The following PKD1L1 variants were observed in gnomAD, a reference collection of about 807,000 sequenced individuals.
PKD1L1 encodes the protein polycystin-1-like protein 1.
Under a neutral mutation model 323.4 loss-of-function variants are expected in PKD1L1, and 236 were observed. That is an observed-to-expected ratio of 0.73 (90% CI 0.66 to 0.81). The LOEUF is 0.81. PKD1L1 is among the 40% of genes least tolerant of loss of function. The pLI, the probability that PKD1L1 is intolerant of heterozygous loss-of-function variation, is 0.00. For missense variants in PKD1L1, 3,320 were observed against 3,508.0 expected (o/e 0.95, Z 1.35); for synonymous variants, 1,344 against 1,335.0 (o/e 1.01, Z -0.15).
chr7:47,903,667 T>C lies in PKD1L1; in HGVS notation c.1931+711A>G, dbSNP rs1338594015. On this transcript the variant is annotated intron_variant, in intron 12 of 56. Transcript: ENST00000289672. Reference sequence around the variant, plus strand: ...ATGCCACTGCCTACACGAACCTCATTTTCTAGATACTTCTGCACCCTTTGA... The same window carrying C: ...ATGCCACTGCCTACACGAACCTCATCTTCTAGATACTTCTGCACCCTTTGA... 7.2e-5 allele frequency among the ~76,000 whole-genome samples: 11 copies of C among 152,178 alleles called. 1 individual carries two copies. Among genetic ancestry groups the C allele is most frequent in the Non-Finnish European group, 1.5e-5 (1 of 68,034 alleles).
In PKD1L1 at chr7:47,835,199, A is replaced by G; in HGVS notation, c.5988T>C (p.Gly1996=). The part of the protein sequence containing the change: ...VSPTLGSFRV[G]LLCTLLASPG... Reference sequence around the variant, plus strand: ...GAGAAGCCAGGAGGGTACACAGGAGACCCACCCTGAAGGATCCAAGGGTGG... The same window carrying G: ...GAGAAGCCAGGAGGGTACACAGGAGGCCCACCCTGAAGGATCCAAGGGTGG... Residue 1996 remains glycine (G), a synonymous_variant, in exon 38 of 57, where the codon GGT becomes GGC. Coordinates refer to ENST00000289672, the MANE Select transcript of PKD1L1 (RefSeq NM_138295.5). 6.3e-7 allele frequency: 1 copy of G among 1,589,662 alleles called. No homozygotes were observed. Among genetic ancestry groups the G allele is most frequent in the Admixed American group, 2.0e-5 (1 of 51,244 alleles).
intron 7 of PKD1L1, among the ~76,000 whole-genome samples, chr7:47,928,553 G>C (rs549561086): frequency 1.1e-4 from 16 of 152,044 alleles, no homozygotes; most frequent in African/African-American, 2.9e-4. Flanking sequence ...CTGGGCAACA[G>C]AACAAGATTC....
intron 56 of PKD1L1, among the ~76,000 whole-genome samples, chr7:47,786,627 G>A (rs1315368478): frequency 6.6e-6 from 1 of 152,212 alleles, no homozygotes; most frequent in African/African-American, 2.4e-5. Flanking sequence ...CCTGCCTTAC[G>A]CAATGGTATT....
At chr7:47,901,594 C>T (rs531584867) in intron 13 of PKD1L1, among the ~76,000 whole-genome samples, 180 of 152,246 alleles carry the variant, frequency 1.2e-3, no homozygotes, top group Non-Finnish European at 2.0e-3. Context: ...TCCCCCAGCA[C>T]GCAGACCTGC....
chr7:47,940,470 C>T (rs767653281), intron 2 of PKD1L1, among the ~76,000 whole-genome samples, 153 bp from the exon 3 acceptor site: 10 of 152,218 alleles, frequency 6.6e-5, no homozygotes, highest in South Asian at 2.1e-4. Flanking sequence ...CTTGGGCTGC[C>T]GTGTCCTGCT....
chr7:47,835,094 G>C, intron 38 of PKD1L1, 39 bp downstream of exon 38: 1 of 1,606,718 alleles, frequency 6.2e-7, no homozygotes, highest in Non-Finnish European at 8.5e-7. Flanking sequence ...TGAAGGGGCT[G>C]CTCAGGAGAA....
chr7:47,882,045 A>C lies in PKD1L1; in HGVS notation c.3306T>G (p.Ser1102Arg). ...TSFPGSGPSL[S>R]AEESPGDGDN... The stretch of plus-strand genomic sequence containing the variant: ...CCCCATCTCCAGGGCTCTCCTCGGC[A>C]CTCAAGCTAGGTCCTGATCCTGGAA... Residue 1102 changes from serine (S) to arginine (R), a missense_variant, in exon 20 of 57, where the codon AGT (serine) becomes AGG (arginine). Transcript: ENST00000289672. 1 of 1,613,808 alleles carries C rather than the reference A, an allele frequency of 6.2e-7. No homozygotes were observed. Among genetic ancestry groups the C allele is most frequent in the East Asian group, 2.2e-5 (1 of 44,866 alleles).
At position 47,940,119 on chromosome 7, in the gene PKD1L1, A is replaced by T. The variant is rs62447089; in HGVS notation, c.285+74T>A. On this transcript the variant is annotated intron_variant, in intron 3 of 56. Coordinates refer to ENST00000289672, the MANE Select transcript of PKD1L1 (RefSeq NM_138295.5). ...CTGATGAATTCCTGATGAAACATGG[A>T]GGTGCTTTTTAGCTGTACTGTACAT... The T allele has an allele frequency of 9.7e-6, 15 of 1,545,326 alleles. 1 individual carries two copies. Among genetic ancestry groups the T allele is most frequent in the African/African-American group, 2.7e-5 (2 of 72,962 alleles).
rs567091499 is a variant in PKD1L1 at position 47,846,971 on chromosome 7, C to G, written c.5061G>C (p.Gln1687His). Residue 1687 changes from glutamine to histidine, a missense_variant, in exon 32 of 57, where the codon CAG becomes CAC. Transcript: ENST00000289672. ...AKAVNYTVHF[Q>H]WIRCLFWDKR... ...TGTCCCAAAACAGGCATCGGATCCA[C>G]TGGAAATGTACTGTATAGTTCACTG... 1 of 1,614,008 alleles carries G rather than the reference C, an allele frequency of 6.2e-7. No homozygotes were observed. The highest frequency in any genetic ancestry group is 2.2e-5 in the East Asian group (1 of 44,882).
chr7:47,806,397 A>G (rs536179466), intron 52 of PKD1L1, among the ~76,000 whole-genome samples: 1 of 152,332 alleles, frequency 6.6e-6, no homozygotes, highest in Non-Finnish European at 1.5e-5. Context: ...TCGGCATTGT[A>G]GCCCACAGGA....
At chr7:47,856,170 T>A (rs534300327) in intron 28 of PKD1L1, among the ~76,000 whole-genome samples, 15 of 152,094 alleles carry the variant, frequency 9.9e-5, no homozygotes, top group African/African-American at 3.1e-4. Context: ...CCCGAGTAGC[T>A]GGGACTACAG....
chr7:47,932,272 G>A lies in PKD1L1; in HGVS notation c.399-216C>T, dbSNP rs1787786863. Among the ~76,000 whole-genome samples the A allele has an allele frequency of 3.9e-5, 6 of 152,212 alleles. No individual in the cohort carries two copies. The South Asian group carries it at 1.2e-3, about 32-fold the overall frequency. On this transcript the variant is annotated intron_variant, in intron 4 of 56. Coordinates refer to ENST00000289672, the MANE Select transcript of PKD1L1 (RefSeq NM_138295.5). ...CAGCGGGGCTGCTGCAGGCACTCGA[G>A]GGAGAAGTCTTAGGTAGAGTAGAGC... is the stretch of plus-strand genomic sequence containing the variant.
chr7:47,895,987 T>C (rs1786926748), intron 14 of PKD1L1, among the ~76,000 whole-genome samples: 1 of 152,200 alleles, frequency 6.6e-6, no homozygotes, highest in African/African-American at 2.4e-5. Flanking sequence ...GACTGTGTGA[T>C]TTCACTCTTG....
intron 1 of PKD1L1, among the ~76,000 whole-genome samples, chr7:47,944,630 G>C (rs1788060500): frequency 6.6e-6 from 1 of 152,224 alleles, no homozygotes; most frequent in Non-Finnish European, 1.5e-5. Flanking sequence ...TGCCTCCAGA[G>C]CTCAAGCTGC....
chr7:47,800,819 A>G lies in PKD1L1; in HGVS notation c.8023T>C (p.Trp2675Arg), dbSNP rs769841757. The change falls in exon 54 of 57, where the codon TGG (tryptophan) becomes CGG (arginine). Residue 2675 changes from tryptophan to arginine, a missense_variant. Coordinates refer to ENST00000289672, the MANE Select transcript of PKD1L1 (RefSeq NM_138295.5). ...GTGAAGGTGCCAGGTGGTAGAACCC[A>G]CATAGAGAGCAGAAATCGGTGCAGG... ...SHLHRFLLSMWVLPPGTFTDA... is the reference protein window; with the variant it reads ...SHLHRFLLSMRVLPPGTFTDA... 1 of 1,614,146 alleles carries G rather than the reference A, an allele frequency of 6.2e-7. No homozygotes were observed. Among genetic ancestry groups the G allele is most frequent in the South Asian group, 1.1e-5 (1 of 91,078 alleles).
chr7:47,890,675 T>C lies in PKD1L1; in HGVS notation c.2542A>G (p.Thr848Ala). Residue 848 changes from threonine (T) to alanine (A), a missense_variant, in exon 16 of 57, where the codon ACT becomes GCT. Transcript: ENST00000289672. ...TAHQLDAAAPTVSFEAQWLSD... is the reference protein window; with the variant it reads ...TAHQLDAAAPAVSFEAQWLSD... ...AGCCATTGTGCCTCAAAGGAAACAG[T>C]GGGAGCCGCGGCATCCAGTTGGTGT... is the stretch of plus-strand genomic sequence containing the variant. 1 of 1,613,926 alleles carries C rather than the reference T, an allele frequency of 6.2e-7. No individual in the cohort carries two copies. The highest frequency in any genetic ancestry group is 8.5e-7 in the Non-Finnish European group (1 of 1,179,980).
intron 15 of PKD1L1, among the ~76,000 whole-genome samples, chr7:47,892,966 C>T (rs1244931705): frequency 6.6e-6 from 1 of 152,136 alleles, no homozygotes; most frequent in Non-Finnish European, 1.5e-5. Context: ...CCTGATGGCT[C>T]ACGCCTGAAA....
At chr7:47,939,412 A>G (rs1787937158) in intron 3 of PKD1L1, among the ~76,000 whole-genome samples, 1 of 152,180 alleles carries the variant, frequency 6.6e-6, no homozygotes, top group African/African-American at 2.4e-5. Flanking sequence ...TGAACTAGAA[A>G]CGCACAACTC....
chr7:47,861,744 G>T (rs1318550048), intron 26 of PKD1L1, among the ~76,000 whole-genome samples: 1 of 152,016 alleles, frequency 6.6e-6, no homozygotes, highest in Admixed American at 6.5e-5. Flanking sequence ...AGCCGGGCAT[G>T]GTGGTGTGCG....
Sources: allele counts gnomAD v4.1 joint callset (sites outside exome capture counted in the v4.1 genomes callset), GRCh38; gene constraint gnomAD v4.1.1; transcripts MANE v1.5; gene names NCBI Gene and HGNC (gene_info 2026-07-23, HGNC 2026-07-21).